Variants in DNAH6 observed in about 807,000 individuals in gnomAD.
DNAH6 encodes dynein axonemal heavy chain 6.
DNAH6 carries 340 observed loss-of-function variants against 491.4 expected under a neutral mutation model. The observed-to-expected ratio is 0.69, with a 90% CI of 0.63 to 0.76. DNAH6 has a LOEUF of 0.76. Among genes scored for constraint, DNAH6 ranks in the 30% least tolerant of loss-of-function variants. The pLI, the probability that DNAH6 is intolerant of heterozygous loss-of-function variation, is 0.00. For synonymous variants in DNAH6, 1,603 were observed against 1,686.1 expected, an observed-to-expected ratio of 0.95 and a Z score of 1.21; for missense variants, 4,443 against 4,972.2, an observed-to-expected ratio of 0.89 and a Z score of 3.20.
At position 84,549,906 on chromosome 2, in the gene DNAH6, A is replaced by G; in HGVS notation, c.1334A>G (p.Asp445Gly). Residue 445 changes from aspartate (D) to glycine (G), a missense_variant, in exon 9 of 77, where the codon GAC becomes GGC. Asp to Gly is a moderately conservative substitution (Grantham distance 94). Transcript: ENST00000389394. ...MRLTCFIRLN[D>G]YLIENTMHIL... ...TTTTCAAGCTTTATTCGTCTAAACG[A>G]CTATCTAATTGAGAACACAATGCAC... is the stretch of plus-strand genomic sequence containing the variant. 1 of 1,602,146 alleles carries G rather than the reference A, an allele frequency of 6.2e-7. No individual in the cohort carries two copies. Among genetic ancestry groups the G allele is most frequent in the Non-Finnish European group, 8.5e-7 (1 of 1,174,462 alleles).
chr2:84,613,402 T>G (rs1219705169), intron 22 of DNAH6, among the ~76,000 whole-genome samples: 3 of 152,018 alleles, frequency 2.0e-5, no homozygotes, highest in Non-Finnish European at 4.4e-5. Flanking sequence ...GCAAGAGTGC[T>G]TAGGTGGGGA....
rs914979238 is a variant in DNAH6, at chr2:84,637,002, A to C, written c.4654-208A>C. Among the ~76,000 whole-genome samples the C allele has an allele frequency of 3.9e-5, 6 of 152,320 alleles. No individual in the cohort carries two copies. In the Middle Eastern group the frequency reaches 0.014, roughly 345 times the overall value. Reference sequence around the variant, plus strand: ...GAGACAGTTTGGGCAAGTCAGGTGCAGGGAGACAGAAATCAGGAAACACAG... The same window carrying C: ...GAGACAGTTTGGGCAAGTCAGGTGCCGGGAGACAGAAATCAGGAAACACAG... On this transcript the variant is annotated intron_variant, in intron 30 of 76. Transcript: ENST00000389394.
At chr2:84,507,394 T>C in the DNAH6 span, among the ~76,000 whole-genome samples, 1 of 152,232 alleles carries the variant, frequency 6.6e-6, no homozygotes, top group Non-Finnish European at 1.5e-5. Context: ...TAAGAATGCT[T>C]GTGATTTTTC....
chr2:84,575,301 G>A (rs547884444), intron 12 of DNAH6, among the ~76,000 whole-genome samples: 67 of 152,216 alleles, frequency 4.4e-4, no homozygotes, highest in African/African-American at 1.5e-3. Context: ...ACGACCAGCA[G>A]ATAGGTTCTG....
chr2:84,746,665 C>A (rs1673002183), intron 63 of DNAH6, among the ~76,000 whole-genome samples: 1 of 152,076 alleles, frequency 6.6e-6, no homozygotes, highest in Non-Finnish European at 1.5e-5. Flanking sequence ...GGTGTTGATG[C>A]TATGTTGTAG....
At chr2:84,681,135 A>G (rs1693740092) in intron 41 of DNAH6, among the ~76,000 whole-genome samples, 1 of 152,170 alleles carries the variant, frequency 6.6e-6, no homozygotes, top group Non-Finnish European at 1.5e-5. Context: ...CACTAGTCAG[A>G]TATGAATGCC....
the DNAH6 span, among the ~76,000 whole-genome samples, chr2:84,505,734 G>A: frequency 6.6e-6 from 1 of 151,968 alleles, no homozygotes. Context: ...ACAGGCCCCG[G>A]TGTGTTATGT....
intron 15 of DNAH6, among the ~76,000 whole-genome samples, chr2:84,588,521 A>G (rs2104096787): frequency 6.6e-6 from 1 of 152,056 alleles, no homozygotes; most frequent in East Asian, 1.9e-4. Context: ...TGTTTCATTC[A>G]CCTCTCCTTA....
chr2:84,619,601 T>A (rs1687207494), intron 23 of DNAH6, 84 bp from the exon 24 acceptor site: 5 of 1,257,362 alleles, frequency 4.0e-6, no homozygotes, highest in Non-Finnish European at 5.6e-6. Flanking sequence ...AGGGAAGAGA[T>A]GTGGCTAAGG....
In DNAH6 at chr2:84,728,658, G is replaced by A. The variant is rs538150631; in HGVS notation, c.10206+756G>A. The stretch of plus-strand genomic sequence containing the variant: ...TTTTAAAAAACCATGACCCTCTCTT[G>A]CCTGGAGATGTATCTCATTATAAAG... On this transcript the variant is annotated intron_variant, in intron 61 of 76. Transcript: ENST00000389394. Among the ~76,000 whole-genome samples, 9 of 152,270 alleles carry A rather than the reference G, an allele frequency of 5.9e-5. No individual in the cohort carries two copies. The East Asian group carries it at 1.7e-3, about 29-fold the overall frequency.
Position 84,713,174 on chromosome 2 carries a change from G to A in DNAH6, c.9458G>A (p.Arg3153His), listed in dbSNP as rs145820890. The change falls in exon 57 of 77, where the codon CGT (arginine) becomes CAT (histidine). Residue 3153 changes from arginine to histidine, a missense_variant. This residue lies in a region of DNAH6 where 1,463 missense variants were observed against 1,656.6 expected (regional missense o/e 0.88). Transcript: ENST00000389394. ...IFISGGRLLI[R>H]LGDSDIDYDK... ...ATCAGTGGTGGCCGACTACTCATCC[G>A]TCTTGGAGACTCAGACATTGATTAT... is the stretch of plus-strand genomic sequence containing the variant. 1.1e-4 allele frequency: 172 copies of A among 1,551,782 alleles called. No homozygotes were observed. Among genetic ancestry groups the A allele is most frequent in the Middle Eastern group, 5.0e-4 (3 of 5,992 alleles).
chr2:84,546,801 C>G (rs1678839195), intron 5 of DNAH6, among the ~76,000 whole-genome samples: 1 of 152,144 alleles, frequency 6.6e-6, no homozygotes, highest in South Asian at 2.1e-4. Context: ...TACGTTTAAC[C>G]TTTTGAGAAA....
chr2:84,596,668 T>TA (rs980814305), intron 18 of DNAH6, among the ~76,000 whole-genome samples: 11 of 43,272 alleles, frequency 2.5e-4, no homozygotes, highest in African/African-American at 3.6e-4. Context: ...AATAAAGAAC[T>TA]AAAAAAAAAA....
chr2:84,494,643 T>C, the DNAH6 span, among the ~76,000 whole-genome samples: 2 of 152,148 alleles, frequency 1.3e-5, no homozygotes, highest in Non-Finnish European at 2.9e-5. Flanking sequence ...AGAGAGTAGA[T>C]TTTGACATCT....
chr2:84,786,208 T>C (rs1232913165), intron 67 of DNAH6, among the ~76,000 whole-genome samples: 1 of 152,074 alleles, frequency 6.6e-6, no homozygotes, highest in Non-Finnish European at 1.5e-5. Context: ...GGCAATTCGC[T>C]TGAGCCCAGG....
the DNAH6 span, among the ~76,000 whole-genome samples, chr2:84,463,563 T>C: frequency 2.0e-5 from 3 of 152,146 alleles, no homozygotes; most frequent in Admixed American, 2.0e-4. Context: ...GCGTTTTTTG[T>C]GTGTGTATTC....
At position 84,619,792 on chromosome 2, in the gene DNAH6, T is replaced by C; in HGVS notation, c.3680T>C (p.Leu1227Pro). 1.3e-6 allele frequency: 2 copies of C among 1,551,552 alleles called. No individual in the cohort carries two copies. Among genetic ancestry groups the C allele is most frequent in the South Asian group, 2.4e-5 (2 of 84,044 alleles). Residue 1227 changes from leucine (L) to proline (P), a missense_variant, in exon 24 of 77, where the codon CTC (leucine) becomes CCC (proline). Physicochemically the swap from Leu to Pro is moderately conservative, Grantham distance 98. Around this residue, in one of 3 missense-constraint regions of DNAH6, gnomAD observed 2,977 missense variants for 3,296.6 expected, o/e 0.90. Transcript: ENST00000389394. ...AAATGCTTCGACTCCATTTCAAAGC[T>C]CGAATTTGCTCTCATGCCTCCTGCC... ...LRKCFDSISK[L>P]EFALMPPAEG...
At chr2:84,763,880 T>C (rs1263223747) in intron 64 of DNAH6, among the ~76,000 whole-genome samples, 1 of 151,946 alleles carries the variant, frequency 6.6e-6, no homozygotes, top group East Asian at 1.9e-4. Context: ...TAAGTACCAG[T>C]CCAAAACTCA....
At chr2:84,813,870 G>A in intron 74 of DNAH6, 101 bp from the exon 75 acceptor site, 1 of 1,207,422 alleles carries the variant, frequency 8.3e-7, no homozygotes, top group Admixed American at 2.1e-5. Context: ...GTGGTGGGAA[G>A]GCTCTCTAAT....
Sources: gnomAD v4.1 joint callset for allele counts (sites outside exome capture counted in the v4.1 genomes callset) on GRCh38, gnomAD v4.1.1 for gene constraint, gnomAD v4.1.1 regional missense constraint, MANE v1.5 for transcripts, NCBI Gene and HGNC (gene_info 2026-07-23, HGNC 2026-07-21) for gene names.